Variants in PDGFC observed in about 807,000 individuals in gnomAD.
PDGFC encodes platelet derived growth factor C.
PDGFC carries 12 observed loss-of-function variants against 35.5 expected under a neutral mutation model. The observed-to-expected ratio is 0.34, with a 90% CI of 0.22 to 0.55. The LOEUF (loss-of-function observed/expected upper bound fraction) is 0.55, where lower values mean the gene tolerates loss of function less well. Ranked by LOEUF, PDGFC falls within the 20% of genes least tolerant of loss-of-function variation. PDGFC has a pLI of 0.91. For synonymous variants in PDGFC, 159 were observed against 148.8 expected, an observed-to-expected ratio of 1.07 and a Z score of -0.50; for missense variants, 322 against 412.4, an observed-to-expected ratio of 0.78 and a Z score of 1.90.
At chr4:156,872,095 A>C (rs2111146005) in intron 1 of PDGFC, among the ~76,000 whole-genome samples, 1 of 152,160 alleles carries the variant, frequency 6.6e-6, no homozygotes, top group African/African-American at 2.4e-5. Flanking sequence ...GACGACTAAA[A>C]CTCTTATTTA....
In PDGFC at chr4:156,886,413, T is replaced by C. The variant is rs1199844716; in HGVS notation, c.119-35997A>G. On this transcript the variant is annotated intron_variant, in intron 1 of 5. Transcript: ENST00000502773. Reference sequence around the variant, plus strand: ...ACTTCTAGTTTAGATTAATATTTTTTAACTGTGTGCTTAAAACAAAATAAA... The same window carrying C: ...ACTTCTAGTTTAGATTAATATTTTTCAACTGTGTGCTTAAAACAAAATAAA... 2.0e-5 allele frequency among the ~76,000 whole-genome samples: 3 copies of C among 152,358 alleles called. No homozygotes were observed. The East Asian group carries it at 5.8e-4, about 29-fold the overall frequency.
chr4:156,901,532 T>TA (rs1730783718), intron 1 of PDGFC, among the ~76,000 whole-genome samples: 1 of 152,156 alleles, frequency 6.6e-6, no homozygotes, highest in Non-Finnish European at 1.5e-5. Context: ...GAACAACGCC[T>TA]ACCTATTTCT....
chr4:156,844,645 C>A (rs1267428504), intron 2 of PDGFC, among the ~76,000 whole-genome samples: 1 of 150,974 alleles, frequency 6.6e-6, no homozygotes, highest in Non-Finnish European at 1.5e-5. Flanking sequence ...GAAAGAATGC[C>A]GGACAAAAAT....
At chr4:156,817,144 G>GT (rs1412188978) in intron 2 of PDGFC, among the ~76,000 whole-genome samples, 1 of 151,894 alleles carries the variant, frequency 6.6e-6, no homozygotes, top group Non-Finnish European at 1.5e-5. Context: ...TTAAAATCAT[G>GT]TTATTACTAA....
chr4:156,765,714 T>C (rs185524557), intron 5 of PDGFC, among the ~76,000 whole-genome samples: 1 of 152,308 alleles, frequency 6.6e-6, no homozygotes, highest in Admixed American at 6.5e-5. Flanking sequence ...AATATTTTAC[T>C]ATTGTCAGAG....
At chr4:156,784,653 T>TA (rs1339851274) in intron 3 of PDGFC, among the ~76,000 whole-genome samples, 2 of 151,998 alleles carry the variant, frequency 1.3e-5, no homozygotes, top group Non-Finnish European at 2.9e-5. Context: ...AGTACAGAAA[T>TA]ACGTGTATAT....
intron 2 of PDGFC, among the ~76,000 whole-genome samples, chr4:156,838,719 A>G (rs1729127503): frequency 6.6e-6 from 1 of 152,188 alleles, no homozygotes; most frequent in Non-Finnish European, 1.5e-5. Context: ...ACTAGTTACA[A>G]TCACTTGCTG....
intron 1 of PDGFC, among the ~76,000 whole-genome samples, chr4:156,945,816 C>A (rs1027762307): frequency 1.3e-5 from 2 of 151,950 alleles, no homozygotes; most frequent in Non-Finnish European, 2.9e-5. Flanking sequence ...ACCACTCTCT[C>A]CCTCTATTAT....
At chr4:156,822,753 T>C (rs1013521152) in intron 2 of PDGFC, among the ~76,000 whole-genome samples, 4 of 150,856 alleles carry the variant, frequency 2.7e-5, no homozygotes, top group African/African-American at 9.9e-5. Flanking sequence ...GCTCATATTC[T>C]CTTTTATTTA....
intron 2 of PDGFC, among the ~76,000 whole-genome samples, chr4:156,820,083 T>C (rs1412791017): frequency 2.6e-5 from 4 of 152,172 alleles, no homozygotes; most frequent in South Asian, 2.1e-4. Flanking sequence ...ATGATAAACA[T>C]TGAATGAATG....
At chr4:156,924,060 A>C (rs1265607429) in intron 1 of PDGFC, among the ~76,000 whole-genome samples, 1 of 152,192 alleles carries the variant, frequency 6.6e-6, no homozygotes, top group African/African-American at 2.4e-5. Flanking sequence ...TATTCATTTA[A>C]AGCCCTGCTT....
chr4:156,845,396 A>G (rs6836212), intron 2 of PDGFC, among the ~76,000 whole-genome samples: 3,110 of 151,802 alleles, frequency 0.02, 119 homozygotes, highest in African/African-American at 0.071. Context: ...ATATATATAT[A>G]CAGAGAGAGA....
chr4:156,900,666 C>T (rs1287677922), intron 1 of PDGFC, among the ~76,000 whole-genome samples: 3 of 151,998 alleles, frequency 2.0e-5, no homozygotes, highest in African/African-American at 7.2e-5. Context: ...CATGGCAAAA[C>T]ATCATCTCTA....
At chr4:156,903,392 T>C (rs1433460427) in intron 1 of PDGFC, among the ~76,000 whole-genome samples, 1 of 151,822 alleles carries the variant, frequency 6.6e-6, no homozygotes, top group Non-Finnish European at 1.5e-5. Flanking sequence ...TAAGCAAAGG[T>C]GATGGCACAA....
intron 2 of PDGFC, among the ~76,000 whole-genome samples, chr4:156,811,497 C>T (rs1731931234): frequency 6.6e-6 from 1 of 151,968 alleles, no homozygotes; most frequent in African/African-American, 2.4e-5. Context: ...ACGCATCTTT[C>T]GCACTTCACT....
chr4:156,928,131 A>C (rs2110866465), intron 1 of PDGFC, among the ~76,000 whole-genome samples: 1 of 152,212 alleles, frequency 6.6e-6, no homozygotes, highest in South Asian at 2.1e-4. Context: ...GATTTAAATT[A>C]TTTCCCACCA....
At chr4:156,805,169 G>T (rs1284458216) in intron 3 of PDGFC, among the ~76,000 whole-genome samples, 1 of 151,914 alleles carries the variant, frequency 6.6e-6, no homozygotes, top group African/African-American at 2.4e-5. Context: ...CCAAGTAAGA[G>T]TTTAGTCTCT....
At chr4:156,773,913 C>A (rs1373524184) in intron 3 of PDGFC, among the ~76,000 whole-genome samples, 1 of 152,302 alleles carries the variant, frequency 6.6e-6, no homozygotes, top group South Asian at 2.1e-4. Context: ...TAGGAAAACA[C>A]TAACACATCG....
chr4:156,824,327 T>TATATACACACATACACATAC (rs1491500876), intron 2 of PDGFC, among the ~76,000 whole-genome samples: 2 of 102,840 alleles, frequency 1.9e-5, no homozygotes, highest in African/African-American at 9.1e-5. Flanking sequence ...TATATATATA[T>TATATACACACATACACATAC]ACACACACAC....
Sources: allele counts gnomAD v4.1 joint callset (sites outside exome capture counted in the v4.1 genomes callset), GRCh38; gene constraint gnomAD v4.1.1; transcripts MANE v1.5; gene names NCBI Gene and HGNC (gene_info 2026-07-23, HGNC 2026-07-21).